Variants in NPHP4 observed in about 807,000 individuals in gnomAD.
NPHP4 encodes nephrocystin 4.
NPHP4 carries 151 observed loss-of-function variants against 155.8 expected under a neutral mutation model. That is an observed-to-expected ratio of 0.97 (90% CI 0.85 to 1.11). NPHP4 has a LOEUF of 1.11. NPHP4 is among the 50% of genes least tolerant of loss of function. The probability of loss-of-function intolerance (pLI) is 0.00; values close to 1 mark genes in which losing one functional copy is unlikely to be tolerated. For synonymous variants in NPHP4, 845 were observed against 816.8 expected, an observed-to-expected ratio of 1.03 and a Z score of -0.59; for missense variants, 1,956 against 1,925.7, an observed-to-expected ratio of 1.02 and a Z score of -0.29.
chr1:5,977,826 T>C (rs1195628815), intron 3 of NPHP4, among the ~76,000 whole-genome samples: 1 of 17,800 alleles, frequency 5.6e-5, no homozygotes, highest in Admixed American at 7.0e-4. Flanking sequence ...AAATCTTAGT[T>C]TGTCTATACA....
intron 5 of NPHP4, 146 bp downstream of exon 5, chr1:5,967,153 G>A (rs1651669966): frequency 6.0e-6 from 4 of 669,210 alleles, no homozygotes; most frequent in East Asian, 2.8e-5. Flanking sequence ...CCAAGGCCAC[G>A]AAACATCTGC....
At chr1:5,987,188 C>G (rs1268324272) in intron 1 of NPHP4, among the ~76,000 whole-genome samples, 1 of 151,984 alleles carries the variant, frequency 6.6e-6, no homozygotes, top group Non-Finnish European at 1.5e-5. Flanking sequence ...TGGGTCTTGG[C>G]CCGTTTTGAG....
chr1:5,975,777 C>T (rs543502869), intron 3 of NPHP4, among the ~76,000 whole-genome samples: 26 of 152,368 alleles, frequency 1.7e-4, no homozygotes, highest in African/African-American at 5.0e-4. Context: ...GCCCAACTTC[C>T]GCCGCAACGG....
rs1215297081 is a variant in NPHP4 at position 5,981,647 on chromosome 1, T to TA, written c.136-3235dup. Among the ~76,000 whole-genome samples, 9 of 152,326 alleles carry TA rather than the reference T, an allele frequency of 5.9e-5. No individual in the cohort carries two copies. In the East Asian group the frequency reaches 1.7e-3, roughly 29 times the overall value. On this transcript the variant is annotated intron_variant, in intron 2 of 29. Coordinates refer to ENST00000378156, the MANE Select transcript of NPHP4 (RefSeq NM_015102.5). ...CAAAACAACTAAAATTATACAAACT[T>TA]ATAAGACTATCTATACCAAACCATC...
At chr1:5,968,027 G>A (rs1183668257) in intron 4 of NPHP4, among the ~76,000 whole-genome samples, 2 of 151,990 alleles carry the variant, frequency 1.3e-5, no homozygotes, top group Admixed American at 1.3e-4. Flanking sequence ...CAGACACTCA[G>A]CCAGCGTGTG....
intron 23 of NPHP4, among the ~76,000 whole-genome samples, chr1:5,869,242 C>A (rs1467529392): frequency 1.3e-5 from 1 of 74,216 alleles, no homozygotes; most frequent in African/African-American, 3.5e-5. Context: ...TGCACACACA[C>A]ACACACACAC....
rs1570268170 is a variant in NPHP4, at chr1:5,889,645, C to T, written c.2304+1223G>A. 6.6e-6 allele frequency among the ~76,000 whole-genome samples: 1 copy of T among 152,192 alleles called. No homozygotes were observed. Among genetic ancestry groups the T allele is most frequent in the African/African-American group, 2.4e-5 (1 of 41,454 alleles). On this transcript the variant is annotated intron_variant, in intron 17 of 29. Coordinates refer to ENST00000378156, the MANE Select transcript of NPHP4 (RefSeq NM_015102.5). This position sits in a 1 kb window ranked among gnomAD's most constrained non-coding sequence, Gnocchi z 4.2. ...CTTTACGCCTCCCCACCATGCAGAGCCTGCTGGGGCTGAGGCCTGTGCTAG... is the reference window on the plus strand; with the variant it reads ...CTTTACGCCTCCCCACCATGCAGAGTCTGCTGGGGCTGAGGCCTGTGCTAG...
chr1:5,883,436 T>G (rs142042138), intron 18 of NPHP4, among the ~76,000 whole-genome samples: 1 of 152,328 alleles, frequency 6.6e-6, no homozygotes, highest in East Asian at 1.9e-4. Flanking sequence ...AGCCTCAGTT[T>G]CCCACTCACA....
chr1:5,874,834 G>C, intron 21 of NPHP4, 40 bp downstream of exon 21: 2 of 1,592,942 alleles, frequency 1.3e-6, no homozygotes, highest in African/African-American at 1.3e-5. Flanking sequence ...ACCCGACACA[G>C]ATCTGGGCTG....
chr1:5,932,580 C>T (rs964671063), intron 10 of NPHP4, among the ~76,000 whole-genome samples: 8 of 151,968 alleles, frequency 5.3e-5, no homozygotes, highest in African/African-American at 1.9e-4. Flanking sequence ...GGATGAGACC[C>T]TCATACACAC....
Position 5,864,442 on chromosome 1 carries a change from C to G in NPHP4, c.3892G>C (p.Ala1298Pro). ...TTGAGATGGACAAAGCGGCTGCCGGCCCTAAGGGGCCTCACGCCAACATGC... is the reference window on the plus strand; with the variant it reads ...TTGAGATGGACAAAGCGGCTGCCGGGCCTAAGGGGCCTCACGCCAACATGC... ...DLHVGVRPLR[A>P]GSRFVHLNLV... The change falls in exon 28 of 30, where the codon GCC becomes CCC. Residue 1298 changes from alanine (A) to proline (P), a missense_variant. Ala to Pro is a conservative substitution (Grantham distance 27). Coordinates refer to ENST00000378156, the MANE Select transcript of NPHP4 (RefSeq NM_015102.5). The G allele has an allele frequency of 6.2e-7, 1 of 1,607,324 alleles. No individual in the cohort carries two copies.
At chr1:5,911,086 G>A (rs377654634) in intron 11 of NPHP4, among the ~76,000 whole-genome samples, 4 of 152,236 alleles carry the variant, frequency 2.6e-5, no homozygotes, top group Admixed American at 6.5e-5. Context: ...TCACGTGCTC[G>A]GAGGGAGTTA....
At chr1:5,904,881 G>T in intron 15 of NPHP4, 77 bp from the exon 16 acceptor site, 1 of 1,434,452 alleles carries the variant, frequency 7.0e-7, no homozygotes, top group Non-Finnish European at 9.8e-7. Flanking sequence ...TGTTTGCATA[G>T]GGGATGGTCC....
rs531206237 is a variant in NPHP4 at position 5,976,385 on chromosome 1, G to T, written c.279+1885C>A. Reference sequence around the variant, plus strand: ...AGGATGGCTAACTTCACCACCCGCCGCATGGCTGTCACAACACCAGGTTTC... The same window carrying T: ...AGGATGGCTAACTTCACCACCCGCCTCATGGCTGTCACAACACCAGGTTTC... On this transcript the variant is annotated intron_variant, in intron 3 of 29. Transcript: ENST00000378156. 2.6e-5 allele frequency among the ~76,000 whole-genome samples: 4 copies of T among 152,298 alleles called. No individual in the cohort carries two copies. In the South Asian group the frequency reaches 8.3e-4, roughly 32 times the overall value.
chr1:5,889,829 C>G lies in NPHP4; in HGVS notation c.2304+1039G>C, dbSNP rs56143977. On this transcript the variant is annotated intron_variant, in intron 17 of 29. Coordinates refer to ENST00000378156, the MANE Select transcript of NPHP4 (RefSeq NM_015102.5). The surrounding 1 kb of genome is among the most constrained non-coding windows in gnomAD (Gnocchi z 4.2). ...GCATGAGAAGAGCAGCCAAGCCCTG[C>G]GGAGTCCCTGCCACCTGCAGACCCC... Among the ~76,000 whole-genome samples, 31,150 of 152,164 alleles carry G rather than the reference C, an allele frequency of 0.2. 3,305 individuals carry two copies. The highest frequency in any genetic ancestry group is 0.23 in the Non-Finnish European group (15,759 of 67,978).
chr1:5,885,040 C>G (rs1471507306), intron 18 of NPHP4, among the ~76,000 whole-genome samples: 1 of 137,510 alleles, frequency 7.3e-6, no homozygotes, highest in Non-Finnish European at 1.5e-5. Context: ...AGATCACTGC[C>G]CAAGCTCCCA....
chr1:5,958,336 G>A (rs1278053089), intron 6 of NPHP4, among the ~76,000 whole-genome samples: 1 of 152,084 alleles, frequency 6.6e-6, no homozygotes, highest in African/African-American at 2.4e-5. Context: ...CCTTGATGCT[G>A]GAGCTCAGGA....
intron 5 of NPHP4, among the ~76,000 whole-genome samples, chr1:5,963,919 C>G (rs1650853355): frequency 6.6e-6 from 1 of 152,168 alleles, no homozygotes; most frequent in African/African-American, 2.4e-5. Context: ...AACTCCTGAT[C>G]TCAGGTGATC....
chr1:5,915,202 A>C (rs1373725329), intron 11 of NPHP4, among the ~76,000 whole-genome samples: 3 of 151,954 alleles, frequency 2.0e-5, no homozygotes, highest in Non-Finnish European at 4.4e-5. Flanking sequence ...GGGACGGGCC[A>C]GGCCTTGGGC....
Sources: allele counts gnomAD v4.1 joint callset (sites outside exome capture counted in the v4.1 genomes callset), GRCh38; gene constraint gnomAD v4.1.1; non-coding constraint Gnocchi (gnomAD v3.1); transcripts MANE v1.5; gene names NCBI Gene and HGNC (gene_info 2026-07-23, HGNC 2026-07-21).